The following ASTN2 variants were observed in gnomAD, a reference collection of about 807,000 sequenced individuals.
ASTN2 encodes astrotactin-2.
ASTN2 carries 54 observed loss-of-function variants against 139.8 expected under a neutral mutation model. That is an observed-to-expected ratio of 0.39 (90% CI 0.31 to 0.48). The LOEUF is 0.48. Among genes scored for constraint, ASTN2 ranks in the 20% least tolerant of loss-of-function variants. ASTN2 has a pLI of 0.95. For missense variants in ASTN2, 1,565 were observed against 1,725.1 expected, an observed-to-expected ratio of 0.91 and a Z score of 1.64; for synonymous variants, 756 against 719.5, an observed-to-expected ratio of 1.05 and a Z score of -0.81.
intron 6 of ASTN2, among the ~76,000 whole-genome samples, chr9:117,030,204 C>T (rs997408383): frequency 6.6e-6 from 1 of 152,114 alleles, no homozygotes. Context: ...ATTTGGCAAA[C>T]CTTAAGCCAA....
chr9:116,882,062 T>TATCC (rs1057125622), intron 10 of ASTN2, among the ~76,000 whole-genome samples: 18 of 152,202 alleles, frequency 1.2e-4, no homozygotes, highest in African/African-American at 3.6e-4. Flanking sequence ...ATTATCCATC[T>TATCC]ATCCATCCAT....
intron 11 of ASTN2, among the ~76,000 whole-genome samples, chr9:116,862,654 G>T (rs371023652): frequency 6.6e-6 from 1 of 152,134 alleles, no homozygotes; most frequent in Admixed American, 6.5e-5. Flanking sequence ...AGCTCCATTA[G>T]GCTGTAGTGT....
intron 1 of ASTN2, among the ~76,000 whole-genome samples, chr9:117,327,325 C>CT (rs1162661490): frequency 6.6e-6 from 1 of 152,142 alleles, no homozygotes; most frequent in Non-Finnish European, 1.5e-5. Context: ...TAATTACTTC[C>CT]TTATCAGTCC....
chr9:116,584,855 T>C (rs906823825), intron 19 of ASTN2: 6 of 152,182 alleles, frequency 3.9e-5, no homozygotes, highest in Non-Finnish European at 7.4e-5. Flanking sequence ...TTCAAGGGCA[T>C]ACAAAAATGT....
chr9:116,904,390 C>T (rs1834101093), intron 10 of ASTN2, among the ~76,000 whole-genome samples: 1 of 152,144 alleles, frequency 6.6e-6, no homozygotes, highest in Non-Finnish European at 1.5e-5. Context: ...CAGAATGACA[C>T]TCACAGTCTG....
intron 10 of ASTN2, among the ~76,000 whole-genome samples, chr9:116,964,953 CAA>C (rs1185616977): frequency 6.6e-6 from 1 of 152,154 alleles, no homozygotes; most frequent in Non-Finnish European, 1.5e-5. Context: ...TCTCAGCAAC[CAA>C]AGTTATCGCT....
chr9:116,691,188 C>T (rs979749169), intron 16 of ASTN2, among the ~76,000 whole-genome samples: 1 of 152,188 alleles, frequency 6.6e-6, no homozygotes, highest in African/African-American at 2.4e-5. Flanking sequence ...CCAAAATTCT[C>T]ATCCCATTTT....
At chr9:116,450,332 T>G (rs67417397) in intron 20 of ASTN2, among the ~76,000 whole-genome samples, 8,270 of 87,204 alleles carry the variant, frequency 0.095, 336 homozygotes, top group East Asian at 0.3. Context: ...GCCTACTGAC[T>G]CCAATGTAGA....
At chr9:116,735,640 A>G (rs1828907541) in intron 13 of ASTN2, among the ~76,000 whole-genome samples, 2 of 152,166 alleles carry the variant, frequency 1.3e-5, no homozygotes, top group African/African-American at 4.8e-5. Flanking sequence ...CATGCAGAAT[A>G]ATCAGTGGGG....
At chr9:116,914,139 G>C (rs200602432) in intron 10 of ASTN2, among the ~76,000 whole-genome samples, 1 of 151,608 alleles carries the variant, frequency 6.6e-6, no homozygotes, top group Non-Finnish European at 1.5e-5. Flanking sequence ...GATATGGCTA[G>C]AAGAACTCGT....
chr9:116,914,989 C>T (rs1834403391), intron 10 of ASTN2, among the ~76,000 whole-genome samples: 1 of 152,198 alleles, frequency 6.6e-6, no homozygotes, highest in South Asian at 2.1e-4. Context: ...TAGGATACTT[C>T]AGCCTTCAAA....
chr9:117,202,311 T>A (rs183516092), intron 3 of ASTN2, among the ~76,000 whole-genome samples: 1 of 152,332 alleles, frequency 6.6e-6, no homozygotes, highest in East Asian at 1.9e-4. Flanking sequence ...AGCCTGTGTC[T>A]TTTAATTGGG....
intron 4 of ASTN2, among the ~76,000 whole-genome samples, chr9:117,105,479 C>T (rs1283042427): frequency 2.0e-5 from 3 of 152,096 alleles, no homozygotes; most frequent in Admixed American, 6.6e-5. Context: ...ATCTGTTACC[C>T]GTGGATGTTT....
At chr9:117,110,881 C>T (rs1829232119) in intron 4 of ASTN2, among the ~76,000 whole-genome samples, 1 of 152,090 alleles carries the variant, frequency 6.6e-6, no homozygotes, top group South Asian at 2.1e-4. Flanking sequence ...GTAAAGCCAG[C>T]AGAGAGTGAG....
chr9:117,337,624 TA>T (rs1828927857), intron 1 of ASTN2, among the ~76,000 whole-genome samples: 3 of 152,220 alleles, frequency 2.0e-5, no homozygotes, highest in African/African-American at 4.8e-5. Context: ...TGCATTTGTA[TA>T]ACTTCAATAT....
intron 21 of ASTN2, among the ~76,000 whole-genome samples, chr9:116,441,666 C>T (rs1213438760): frequency 6.6e-6 from 1 of 152,096 alleles, no homozygotes. Flanking sequence ...TGTCTCACCA[C>T]CCATAATGTG....
chr9:116,866,425 T>C (rs1833014595), intron 10 of ASTN2, among the ~76,000 whole-genome samples: 1 of 152,098 alleles, frequency 6.6e-6, no homozygotes, highest in South Asian at 2.1e-4. Flanking sequence ...GCTTCCTAAC[T>C]TTGTAGGGAG....
chr9:116,590,928 G>A (rs1854352668), intron 19 of ASTN2, among the ~76,000 whole-genome samples: 1 of 152,128 alleles, frequency 6.6e-6, no homozygotes, highest in Admixed American at 6.5e-5. Flanking sequence ...CTTCAGAAAG[G>A]AGCTACCCAC....
intron 2 of ASTN2, among the ~76,000 whole-genome samples, chr9:117,290,799 A>G (rs577151655): frequency 6.6e-6 from 1 of 152,308 alleles, no homozygotes; most frequent in African/African-American, 2.4e-5. Flanking sequence ...TCACAACTAT[A>G]AAGAGAATTA....
Sources: gnomAD v4.1 joint callset for allele counts (sites outside exome capture counted in the v4.1 genomes callset) on GRCh38, gnomAD v4.1.1 for gene constraint, MANE v1.5 for transcripts, NCBI Gene and HGNC (gene_info 2026-07-23, HGNC 2026-07-21) for gene names.